Variants in AKAP6 observed in about 807,000 individuals in gnomAD.
The protein encoded by AKAP6 is A-kinase anchoring protein 6, also known as A-kinase anchor protein 6.
A neutral mutation model predicts 188.5 loss-of-function variants in AKAP6; 58 were observed. The ratio of observed to expected loss-of-function variants is 0.31; its 90% CI spans 0.25 to 0.38. The LOEUF is 0.38. Among genes scored for constraint, AKAP6 ranks in the 10% least tolerant of loss-of-function variants. The probability of loss-of-function intolerance (pLI) is 1.00; values close to 1 mark genes in which losing one functional copy is unlikely to be tolerated. For synonymous variants in AKAP6, 989 were observed against 998.6 expected (o/e 0.99, Z 0.18); for missense variants, 2,710 against 2,740.0 (o/e 0.99, Z 0.24).
intron 5 of AKAP6, among the ~76,000 whole-genome samples, chr14:32,581,841 T>G (rs1402904362): frequency 3.3e-5 from 5 of 152,172 alleles, no homozygotes; most frequent in Non-Finnish European, 7.4e-5. Flanking sequence ...GTTTTCCATT[T>G]GCTTGGTAGA....
At position 32,583,822 on chromosome 14, in the gene AKAP6, G is replaced by A. The variant is rs1009326608; in HGVS notation, c.2469+6580G>A. ...TCCCGGTGCGCCGTTTTTTAAGCCC[G>A]TCAGAAAAAGCGCATTATTAGGGTG... is the stretch of plus-strand genomic sequence containing the variant. On this transcript the variant is annotated intron_variant, in intron 5 of 13. Transcript: ENST00000280979. 4.6e-5 allele frequency among the ~76,000 whole-genome samples: 7 copies of A among 152,220 alleles called. No homozygotes were observed. In the South Asian group the frequency reaches 8.3e-4, roughly 18 times the overall value.
chr14:32,494,594 G>A lies in AKAP6; in HGVS notation c.325-40960G>A, dbSNP rs1018975628. Among the ~76,000 whole-genome samples, 6 of 152,236 alleles carry A rather than the reference G, an allele frequency of 3.9e-5. 1 individual carries two copies. In the East Asian group the frequency reaches 7.7e-4, roughly 20 times the overall value. ...ATAGTTTTCTCTATGAAGGGAATGAGTATTCTTTATAGGATTCTGGGCAGT... is the reference window on the plus strand; with the variant it reads ...ATAGTTTTCTCTATGAAGGGAATGAATATTCTTTATAGGATTCTGGGCAGT... On this transcript the variant is annotated intron_variant, in intron 2 of 13. Transcript: ENST00000280979.
intron 7 of AKAP6, among the ~76,000 whole-genome samples, chr14:32,601,953 A>C (rs189218091): frequency 6.6e-6 from 1 of 152,324 alleles, no homozygotes; most frequent in Non-Finnish European, 1.5e-5. Context: ...TAGAATGATG[A>C]GCTCAGTTTC....
Position 32,824,738 on chromosome 14 carries a change from C to T in AKAP6, c.6925C>T (p.Leu2309Phe). ...TLTCEENLLN[L>F]HEKRHRNMHR ...AACCTGTGAAGAAAATCTTCTAAAC[C>T]TTCATGAAAAACGACATAGAAATAT... Residue 2309 changes from leucine to phenylalanine, a missense_variant, in exon 13 of 14, where the codon CTT (leucine) becomes TTT (phenylalanine). Coordinates refer to ENST00000280979, the MANE Select transcript of AKAP6 (RefSeq NM_004274.5). The T allele has an allele frequency of 6.2e-7, 1 of 1,612,168 alleles. No individual in the cohort carries two copies. The highest frequency in any genetic ancestry group is 1.1e-5 in the South Asian group (1 of 90,620).
intron 2 of AKAP6, among the ~76,000 whole-genome samples, chr14:32,491,768 C>T (rs1430463039): frequency 6.6e-6 from 1 of 152,160 alleles, no homozygotes; most frequent in African/African-American, 2.4e-5. Context: ...ATACCAACAT[C>T]CATATTAGGT....
intron 2 of AKAP6, among the ~76,000 whole-genome samples, chr14:32,435,654 T>C (rs1047025021): frequency 3.9e-4 from 59 of 152,202 alleles, no homozygotes; most frequent in African/African-American, 1.4e-3. Flanking sequence ...AACACAGTAA[T>C]TACATAGTAG....
intron 12 of AKAP6, among the ~76,000 whole-genome samples, chr14:32,796,444 A>G (rs991883603): frequency 7.2e-5 from 11 of 152,334 alleles, no homozygotes; most frequent in Admixed American, 5.2e-4. Flanking sequence ...ACGTAGATCA[A>G]TGGAACAGAA....
intron 2 of AKAP6, among the ~76,000 whole-genome samples, chr14:32,527,124 T>C (rs1882170326): frequency 6.6e-6 from 1 of 152,214 alleles, no homozygotes; most frequent in African/African-American, 2.4e-5. Context: ...TCTTCCCTCC[T>C]TGCCCCAAAC....
chr14:32,680,372 G>C (rs943339102), intron 8 of AKAP6, among the ~76,000 whole-genome samples: 17 of 152,206 alleles, frequency 1.1e-4, no homozygotes, highest in Non-Finnish European at 2.2e-4. Flanking sequence ...CCTTAAAACT[G>C]TCTGTTCCCA....
chr14:32,559,193 C>T (rs1031217206), intron 4 of AKAP6, among the ~76,000 whole-genome samples: 1 of 152,056 alleles, frequency 6.6e-6, no homozygotes, highest in African/African-American at 2.4e-5. Context: ...ATCAGGGCTA[C>T]AAACTAAAAT....
chr14:32,620,441 A>G (rs1472906359), intron 7 of AKAP6, among the ~76,000 whole-genome samples: 3 of 151,742 alleles, frequency 2.0e-5, no homozygotes, highest in Non-Finnish European at 4.4e-5. Context: ...TTTTGTTTTT[A>G]ATTCTGTTTA....
At chr14:32,691,567 G>T (rs1302940392) in intron 8 of AKAP6, among the ~76,000 whole-genome samples, 1 of 150,618 alleles carries the variant, frequency 6.6e-6, no homozygotes, top group African/African-American at 2.4e-5. Flanking sequence ...ATTTGCCACT[G>T]TTTTTTTTTG....
In AKAP6 at chr14:32,833,110, TCTC is replaced by T. The variant is rs2034838352; in HGVS notation, c.*3308_*3310del. The T allele has an allele frequency of 6.6e-6, 1 of 152,204 alleles. No individual in the cohort carries two copies. Among genetic ancestry groups the T allele is most frequent in the Non-Finnish European group, 1.5e-5 (1 of 68,044 alleles). 9.4% of individuals were successfully genotyped at this position (152,204 alleles called of 1,614,324 possible). On this transcript the variant is annotated 3_prime_UTR_variant, in exon 14 of 14. Coordinates refer to ENST00000280979, the MANE Select transcript of AKAP6 (RefSeq NM_004274.5). ...CCAGTGCCTAAGTCATCTGGAATCT[TCTC>T]CTTACATCGAATACAAACCTAACCT...
chr14:32,352,071 C>CTGTG lies in AKAP6; in HGVS notation c.-35+22691_-35+22694dup, dbSNP rs147604276. The stretch of plus-strand genomic sequence containing the variant: ...TGCTTTTGTGTAGTCTTGGGAGACC[C>CTGTG]TGTGTGTGTGTGTGTGTGTGTGTGT... On this transcript the variant is annotated intron_variant, in intron 1 of 13. Transcript: ENST00000280979. 4.6e-3 allele frequency among the ~76,000 whole-genome samples: 611 copies of CTGTG among 134,050 alleles called. 5 individuals are homozygous for CTGTG. Among genetic ancestry groups the CTGTG allele is most frequent in the Non-Finnish European group, 7.6e-3 (481 of 63,606 alleles). 87.9% of individuals were successfully genotyped at this position (134,050 alleles called of 152,430 possible). A position where few individuals can be genotyped will look rare whatever the true frequency, so the allele number is the denominator to read the frequency against.
chr14:32,404,710 A>ATATATATATATATATATATATATATG (rs1478769605), intron 1 of AKAP6, among the ~76,000 whole-genome samples: 1 of 136,040 alleles, frequency 7.4e-6, no homozygotes, highest in African/African-American at 2.7e-5. Context: ...ATATATATAT[A>ATATATATATATATATATATATATATG]TTAGTCAGAA....
At chr14:32,779,091 T>A (rs1024420289) in intron 12 of AKAP6, among the ~76,000 whole-genome samples, 1 of 152,026 alleles carries the variant, frequency 6.6e-6, no homozygotes, top group East Asian at 1.9e-4. Context: ...GAGTTACATG[T>A]TGCCTATGAG....
At chr14:32,380,170 C>T (rs998850671) in intron 1 of AKAP6, among the ~76,000 whole-genome samples, 2 of 152,200 alleles carry the variant, frequency 1.3e-5, no homozygotes, top group Non-Finnish European at 2.9e-5. Context: ...GAGCCTATTG[C>T]TCCTGGCATT....
At chr14:32,519,226 G>A (rs988677939) in intron 2 of AKAP6, among the ~76,000 whole-genome samples, 5 of 152,184 alleles carry the variant, frequency 3.3e-5, no homozygotes, top group African/African-American at 7.2e-5. Flanking sequence ...ACCAGTACCA[G>A]CCACTGCAAA....
At chr14:32,332,203 A>G (rs2138385462) in intron 1 of AKAP6, among the ~76,000 whole-genome samples, 1 of 152,190 alleles carries the variant, frequency 6.6e-6, no homozygotes, top group East Asian at 1.9e-4. Flanking sequence ...ATTCCAAACC[A>G]TTGCGATCTG....
Sources: allele counts gnomAD v4.1 joint callset (sites outside exome capture counted in the v4.1 genomes callset), GRCh38; gene constraint gnomAD v4.1.1; transcripts MANE v1.5; gene names NCBI Gene and HGNC (gene_info 2026-07-23, HGNC 2026-07-21).